Variants in MEI4 observed in about 807,000 individuals in gnomAD.
MEI4 encodes meiosis-specific protein MEI4.
In MEI4, 27 loss-of-function variants were observed where a neutral mutation model predicts 31.4. The ratio of observed to expected loss-of-function variants is 0.86; its 90% CI spans 0.63 to 1.19. MEI4 has a LOEUF of 1.19. Ranked by LOEUF, MEI4 falls within the 50% of genes most tolerant of loss-of-function variation. The pLI, the probability that MEI4 is intolerant of heterozygous loss-of-function variation, is 0.00. For missense variants in MEI4, 329 were observed against 398.9 expected, an observed-to-expected ratio of 0.82 and a Z score of 1.49; for synonymous variants, 122 against 145.4, an observed-to-expected ratio of 0.84 and a Z score of 1.16.
Position 77,669,219 on chromosome 6 carries a change from A to ATG in MEI4, c.-15+16142_-15+16143dup, listed in dbSNP as rs367921941. 9.9e-4 allele frequency among the ~76,000 whole-genome samples: 149 copies of ATG among 151,134 alleles called. 1 individual carries two copies. The highest frequency in any genetic ancestry group is 3.4e-3 in the Middle Eastern group (1 of 294). ...GCACCCTTATTTTGAAAGAGGAAGC[A>ATG]TGTGTGTGTGTGTGTGCGTACATAC... On this transcript the variant is annotated intron_variant, in intron 1 of 4. Transcript: ENST00000684080.
In MEI4 at chr6:77,927,011, TA is replaced by T. The variant is rs1766859696; in HGVS notation, c.*3671del. On this transcript the variant is annotated 3_prime_UTR_variant, in exon 5 of 5. Coordinates refer to ENST00000684080, the MANE Select transcript of MEI4 (RefSeq NM_001322247.2). ...TAAATATTACAGAGTATTACAAACA[TA>T]AAAAATAAACTCAGCCTCTTTTTTG... The T allele has an allele frequency of 6.6e-6, 1 of 151,898 alleles. No homozygotes were observed. The highest frequency in any genetic ancestry group is 6.6e-5 in the Admixed American group (1 of 15,188). 9.4% of individuals were successfully genotyped at this position (151,898 alleles called of 1,614,324 possible).
intron 3 of MEI4, among the ~76,000 whole-genome samples, chr6:77,780,575 A>G (rs988973781): frequency 1.3e-5 from 2 of 152,098 alleles, no homozygotes; most frequent in Admixed American, 6.6e-5. Context: ...CTGTTGGCAC[A>G]GGCTTCTTTC....
chr6:77,734,788 G>A (rs149336951), intron 2 of MEI4, among the ~76,000 whole-genome samples: 22,848 of 151,780 alleles, frequency 0.15, 2,140 homozygotes, highest in East Asian at 0.39. Flanking sequence ...GTTCCTTTCC[G>A]TGTTTAGCGC....
chr6:77,898,970 A>G (rs1766136789), intron 4 of MEI4, among the ~76,000 whole-genome samples: 1 of 152,068 alleles, frequency 6.6e-6, no homozygotes, highest in Non-Finnish European at 1.5e-5. Context: ...TAGTGCAGGA[A>G]AGGAACAACC....
At chr6:77,849,643 A>G (rs1406120451) in intron 4 of MEI4, among the ~76,000 whole-genome samples, 2 of 152,142 alleles carry the variant, frequency 1.3e-5, no homozygotes, top group Non-Finnish European at 2.9e-5. Context: ...ATTCCAAATA[A>G]TTTTTTGAAG....
chr6:77,769,210 A>T (rs1768247525), intron 3 of MEI4, among the ~76,000 whole-genome samples: 1 of 152,144 alleles, frequency 6.6e-6, no homozygotes, highest in African/African-American at 2.4e-5. Context: ...GAGAGAACAT[A>T]CTGATTATGG....
At chr6:77,872,212 G>A (rs536649753) in intron 4 of MEI4, among the ~76,000 whole-genome samples, 1 of 152,220 alleles carries the variant, frequency 6.6e-6, no homozygotes, top group East Asian at 1.9e-4. Flanking sequence ...AATTTTTGCT[G>A]GAAGAAATGT....
intron 3 of MEI4, among the ~76,000 whole-genome samples, chr6:77,786,648 G>A (rs949786140): frequency 6.6e-6 from 1 of 152,056 alleles, no homozygotes; most frequent in Admixed American, 6.6e-5. Context: ...TATGATTAGT[G>A]CATATAGTAA....
chr6:77,908,654 C>T (rs1766356373), intron 4 of MEI4, among the ~76,000 whole-genome samples: 1 of 151,976 alleles, frequency 6.6e-6, no homozygotes, highest in Admixed American at 6.6e-5. Context: ...TCCATATGAA[C>T]TTTAAAGTAG....
At chr6:77,764,377 CA>C (rs1561979819) in intron 3 of MEI4, among the ~76,000 whole-genome samples, 19 of 152,180 alleles carry the variant, frequency 1.2e-4, no homozygotes, top group South Asian at 6.2e-4. Context: ...CAAGGGTTGT[CA>C]ATTATCTTTT....
chr6:77,763,761 T>C (rs1316444380), intron 3 of MEI4, among the ~76,000 whole-genome samples: 2 of 152,174 alleles, frequency 1.3e-5, no homozygotes, highest in Non-Finnish European at 2.9e-5. Flanking sequence ...TTGTTCTCAA[T>C]TCCTCTTTGA....
intron 4 of MEI4, among the ~76,000 whole-genome samples, chr6:77,920,646 A>G (rs558088303): frequency 6.6e-6 from 1 of 152,070 alleles, no homozygotes; most frequent in East Asian, 1.9e-4. Context: ...AGAGGAATCA[A>G]TATCCATGTT....
intron 1 of MEI4, among the ~76,000 whole-genome samples, chr6:77,685,442 A>G (rs903601395): frequency 6.6e-6 from 1 of 150,842 alleles, no homozygotes; most frequent in Admixed American, 6.6e-5. Flanking sequence ...TATATTTTGG[A>G]TGTTAACCCC....
intron 3 of MEI4, among the ~76,000 whole-genome samples, chr6:77,772,080 T>C (rs1382101532): frequency 1.3e-5 from 2 of 151,840 alleles, no homozygotes; most frequent in Non-Finnish European, 2.9e-5. Flanking sequence ...TTAAAAAGTC[T>C]CCCTGTAAAG....
At chr6:77,892,789 TAG>T in intron 4 of MEI4, among the ~76,000 whole-genome samples, 1 of 152,158 alleles carries the variant, frequency 6.6e-6, no homozygotes, top group South Asian at 2.1e-4. Flanking sequence ...GATGTGGAGA[TAG>T]AGAGGCTGTT....
At chr6:77,903,881 T>C (rs1766238174) in intron 4 of MEI4, among the ~76,000 whole-genome samples, 1 of 152,166 alleles carries the variant, frequency 6.6e-6, no homozygotes. Flanking sequence ...CCTTTCTATA[T>C]TTAGTTTTCA....
chr6:77,732,192 G>A (rs1173091330), intron 2 of MEI4, among the ~76,000 whole-genome samples: 1 of 151,636 alleles, frequency 6.6e-6, no homozygotes, highest in Non-Finnish European at 1.5e-5. Context: ...GATGGGGATG[G>A]CATTGAATCT....
chr6:77,839,500 G>A (rs1360376455), intron 4 of MEI4, among the ~76,000 whole-genome samples: 1 of 152,100 alleles, frequency 6.6e-6, no homozygotes, highest in Admixed American at 6.6e-5. Flanking sequence ...CCCCTGACCT[G>A]TGTGAGACAG....
At chr6:77,895,455 C>T (rs756753344) in intron 4 of MEI4, among the ~76,000 whole-genome samples, 1 of 152,114 alleles carries the variant, frequency 6.6e-6, no homozygotes, top group Non-Finnish European at 1.5e-5. Context: ...ATACCGACAA[C>T]AATTTTCAAG....
Sources: gnomAD v4.1 joint callset for allele counts (sites outside exome capture counted in the v4.1 genomes callset) on GRCh38, gnomAD v4.1.1 for gene constraint, MANE v1.5 for transcripts, NCBI Gene and HGNC (gene_info 2026-07-23, HGNC 2026-07-21) for gene names.